Variants in IGF2R observed in about 807,000 individuals in gnomAD.
The protein encoded by IGF2R is insulin like growth factor 2 receptor.
In IGF2R, 91 loss-of-function variants were observed where a neutral mutation model predicts 270.6. The observed-to-expected ratio is 0.34, with a 90% confidence interval of 0.28 to 0.40. IGF2R has a LOEUF of 0.40. Among genes scored for constraint, IGF2R ranks in the 10% least tolerant of loss-of-function variants. The pLI is 1.00. For synonymous variants in IGF2R, 1,316 were observed against 1,258.9 expected (o/e 1.05, Z -0.96); for missense variants, 2,805 against 3,188.3 (o/e 0.88, Z 2.90).
chr6:160,076,084 G>A (rs1374199498), intron 36 of IGF2R, 88 bp downstream of exon 36: 2 of 1,264,740 alleles, frequency 1.6e-6, no homozygotes, highest in Admixed American at 3.5e-5. Flanking sequence ...TCAGGTCCAA[G>A]GATACTCTTA....
In IGF2R at chr6:160,004,531, C is replaced by CA. The variant is rs1784181764; in HGVS notation, c.290-4478dup. The CA allele has an allele frequency of 6.5e-6, 1 of 153,332 alleles. No individual in the cohort carries two copies. The highest frequency in any genetic ancestry group is 6.5e-5 in the Admixed American group (1 of 15,276). The allele number at this position is 153,332 out of a possible 1,614,324, so 9.5% of individuals were successfully genotyped here. A position where few individuals can be genotyped will look rare whatever the true frequency, so the allele number is the denominator to read the frequency against. ...TCTGGCAAGCGCTATCTGGAGCACT[C>CA]AGAGGTGTGGCCTGTTTTTCCGGGT... On this transcript the variant is annotated intron_variant, in intron 2 of 47. Transcript: ENST00000356956. This position sits in a 1 kb window ranked among gnomAD's most constrained non-coding sequence, Gnocchi z 5.2.
intron 4 of IGF2R, among the ~76,000 whole-genome samples, chr6:160,013,964 A>G (rs190561698): frequency 1.3e-5 from 2 of 152,276 alleles, no homozygotes; most frequent in East Asian, 1.9e-4. Context: ...AAAAATCTCA[A>G]TTTGGTTTAG....
chr6:160,054,580 C>T (rs1778270226), intron 19 of IGF2R, among the ~76,000 whole-genome samples: 1 of 152,144 alleles, frequency 6.6e-6, no homozygotes, highest in Non-Finnish European at 1.5e-5. Context: ...GGAAGAAAGC[C>T]TAGTGGTTAA....
At chr6:160,087,347 C>T (rs139442502) in intron 41 of IGF2R, among the ~76,000 whole-genome samples, 2 of 152,190 alleles carry the variant, frequency 1.3e-5, no homozygotes, top group African/African-American at 2.4e-5. Context: ...TGCCATTACC[C>T]GGGGTCCCAC....
intron 39 of IGF2R, among the ~76,000 whole-genome samples, chr6:160,080,785 G>C (rs761750140): frequency 6.6e-6 from 1 of 152,094 alleles, no homozygotes; most frequent in Non-Finnish European, 1.5e-5. Flanking sequence ...GCTGTGACTT[G>C]TGTCTACGGA....
At chr6:159,978,638 C>T (rs955777392) in intron 1 of IGF2R, among the ~76,000 whole-genome samples, 5 of 152,146 alleles carry the variant, frequency 3.3e-5, no homozygotes, top group Middle Eastern at 3.4e-3. Flanking sequence ...ATAAATTCCA[C>T]CTTGCTGTGC....
At chr6:160,037,240 G>A (rs1777847395) in intron 10 of IGF2R, among the ~76,000 whole-genome samples, 1 of 152,206 alleles carries the variant, frequency 6.6e-6, no homozygotes, top group African/African-American at 2.4e-5. Context: ...AAGGAGCCTG[G>A]ACAGAGAGAT....
intron 6 of IGF2R, 95 bp from the exon 7 acceptor site, chr6:160,029,455 C>A: frequency 1.4e-6 from 1 of 697,388 alleles, no homozygotes; most frequent in South Asian, 1.6e-5. Flanking sequence ...CCTCTCCTCC[C>A]CCCCAAGTGA....
chr6:160,088,761 T>C lies in IGF2R; in HGVS notation c.6321-346T>C, dbSNP rs8191924. ...AGGAGCAAATTTTCCAGGTTTTGAA[T>C]GTTGCACGGTTTACAAATTTTAAAA... is the stretch of plus-strand genomic sequence containing the variant. On this transcript the variant is annotated intron_variant, in intron 42 of 47. Transcript: ENST00000356956. Among the ~76,000 whole-genome samples, 866 of 152,378 alleles carry C rather than the reference T, an allele frequency of 5.7e-3. 10 individuals are homozygous for C. The highest frequency in any genetic ancestry group is 0.019 in the African/African-American group (801 of 41,592).
rs1778318138 is a variant in IGF2R at position 160,056,412 on chromosome 6, T to C, written c.2695-12T>C. The C allele has an allele frequency of 5.1e-6, 8 of 1,581,462 alleles. No individual in the cohort carries two copies. In the African/African-American group the frequency reaches 1.1e-4, roughly 21 times the overall value. ...TACTGTATTGACTTTTACCCTGGAT[T>C]TGCCCATTCAGAACAGCCACCCCAT... On this transcript the variant is annotated splice_polypyrimidine_tract_variant and intron_variant, in intron 19 of 47. Transcript: ENST00000356956.
intron 18 of IGF2R, among the ~76,000 whole-genome samples, chr6:160,049,505 C>T (rs1260931485): frequency 2.6e-5 from 4 of 152,156 alleles, no homozygotes; most frequent in African/African-American, 9.7e-5. Context: ...GCAAAAGCTC[C>T]AGCCCTGGGG....
chr6:160,079,936 C>A (rs533709977), intron 38 of IGF2R, 149 bp downstream of exon 38: 1 of 982,104 alleles, frequency 1.0e-6, no homozygotes, highest in African/African-American at 1.6e-5. Context: ...CTCTGTACAC[C>A]CCCGGTGTGA....
rs1777729754 is a variant in IGF2R, at chr6:160,032,913, C to A, written c.1046-29C>A. On this transcript the variant is annotated intron_variant, in intron 8 of 47. Transcript: ENST00000356956. ...CTAATACCTATTCATATAAAACAAG[C>A]CTCTTCTTGTTAATTTCCCTGTTTT... 2.6e-6 allele frequency: 4 copies of A among 1,545,394 alleles called. No individual in the cohort carries two copies. The East Asian group carries it at 9.0e-5, about 35-fold the overall frequency.
intron 1 of IGF2R, among the ~76,000 whole-genome samples, chr6:159,988,611 A>C (rs2115181193): frequency 6.6e-6 from 1 of 151,968 alleles, no homozygotes; most frequent in South Asian, 2.1e-4. Flanking sequence ...TTTAAATGAC[A>C]CCCTCATGCA....
intron 4 of IGF2R, among the ~76,000 whole-genome samples, chr6:160,016,469 T>C: frequency 6.6e-6 from 1 of 152,236 alleles, no homozygotes; most frequent in East Asian, 1.9e-4. Flanking sequence ...GTCTGGGACA[T>C]GGGAGTAGCC....
chr6:160,085,598 A>C (rs1248734909), intron 41 of IGF2R, among the ~76,000 whole-genome samples: 1 of 152,190 alleles, frequency 6.6e-6, no homozygotes, highest in Non-Finnish European at 1.5e-5. Context: ...GCTGAGTGAA[A>C]GTTGTTTTCT....
chr6:160,073,921 G>T lies in IGF2R; in HGVS notation c.5112G>T (p.Val1704=), dbSNP rs1156442965. 6 of 1,614,180 alleles carry T rather than the reference G, an allele frequency of 3.7e-6. No homozygotes were observed. The highest frequency in any genetic ancestry group is 5.1e-6 in the Non-Finnish European group (6 of 1,180,026). ...AGCCACTAAATCCCATGCACGGAGT[G>T]CCCTGTCCTGCCGGAGCCGCTGTGT... The part of the protein sequence containing the change: ...ICQPLNPMHG[V]PCPAGAAVCK... Residue 1704 remains valine (V), a synonymous_variant, in exon 35 of 48, where the codon GTG becomes GTT. Transcript: ENST00000356956.
At chr6:160,044,933 C>T (rs771182703) in intron 13 of IGF2R, among the ~76,000 whole-genome samples, 1 of 152,142 alleles carries the variant, frequency 6.6e-6, no homozygotes, top group African/African-American at 2.4e-5. Flanking sequence ...GACTGATACT[C>T]GGCCAGTCAT....
intron 47 of IGF2R, 134 bp downstream of exon 47, chr6:160,103,949 C>T: frequency 1.6e-6 from 1 of 606,184 alleles, no homozygotes; most frequent in Non-Finnish European, 3.0e-6. Flanking sequence ...AAAGCAACAC[C>T]CGTTGCCTCA....
Sources: gnomAD v4.1 joint callset for allele counts (sites outside exome capture counted in the v4.1 genomes callset) on GRCh38, gnomAD v4.1.1 for gene constraint, Gnocchi (gnomAD v3.1) non-coding constraint, MANE v1.5 for transcripts, NCBI Gene and HGNC (gene_info 2026-07-23, HGNC 2026-07-21) for gene names.